FBLN1: variants seen among roughly 807,000 people sequenced by gnomAD.
The protein encoded by FBLN1 is fibulin-1.
In FBLN1, 34 loss-of-function variants were observed where a neutral mutation model predicts 89.7. That is an observed-to-expected ratio of 0.38 (90% CI 0.29 to 0.50). FBLN1 has a LOEUF of 0.50. FBLN1 is among the 20% of genes least tolerant of loss of function. The probability of loss-of-function intolerance (pLI) is 0.92; values close to 1 mark genes in which losing one functional copy is unlikely to be tolerated. For missense variants in FBLN1, 777 were observed against 988.1 expected, an observed-to-expected ratio of 0.79 and a Z score of 2.86; for synonymous variants, 393 against 391.3, an observed-to-expected ratio of 1.00 and a Z score of -0.05.
chr22:45,559,194 A>G (rs1481621689), intron 14 of FBLN1, among the ~76,000 whole-genome samples: 1 of 152,216 alleles, frequency 6.6e-6, no homozygotes, highest in Admixed American at 6.5e-5. Context: ...AGGTACCAAG[A>G]GATATGGTAA....
At chr22:45,559,410 C>T (rs115257667) in intron 14 of FBLN1, among the ~76,000 whole-genome samples, 1,610 of 152,250 alleles carry the variant, frequency 0.011, 37 homozygotes, top group African/African-American at 0.037. Context: ...GCAATCCCTC[C>T]GGGAATACGA....
Position 45,507,152 on chromosome 22 carries a change from G to A in FBLN1, c.79+4088G>A, listed in dbSNP as rs147117873. Among the ~76,000 whole-genome samples the A allele has an allele frequency of 3.8e-3, 579 of 152,190 alleles. 2 individuals carry two copies. The highest frequency in any genetic ancestry group is 0.013 in the African/African-American group (540 of 41,518). On this transcript the variant is annotated intron_variant, in intron 1 of 16. Coordinates refer to ENST00000327858, the MANE Select transcript of FBLN1 (RefSeq NM_006486.3). ...TGCCACAAGTCACCCAGCGAGGAGC[G>A]GGGCTGGGGCTGGGCCTAGAGCTGG...
intron 14 of FBLN1, among the ~76,000 whole-genome samples, chr22:45,554,413 C>T (rs2088751144): frequency 6.6e-6 from 1 of 152,258 alleles, no homozygotes; most frequent in Non-Finnish European, 1.5e-5. Flanking sequence ...CCCGTGCCCA[C>T]CTTCTTTCCT....
In FBLN1 at chr22:45,555,363, C is replaced by T. The variant is rs377344073; in HGVS notation, c.1697+4748C>T. 3.2e-4 allele frequency among the ~76,000 whole-genome samples: 49 copies of T among 151,020 alleles called. 2 individuals carry two copies. In the East Asian group the frequency reaches 5.4e-3, roughly 17 times the overall value. On this transcript the variant is annotated intron_variant, in intron 14 of 16. Coordinates refer to ENST00000327858, the MANE Select transcript of FBLN1 (RefSeq NM_006486.3). The stretch of plus-strand genomic sequence containing the variant: ...AGGATTAACTCACATGATCACAAGG[C>T]CCCACAATAGGCCATCTCCAGGCTG...
chr22:45,566,201 T>C (rs1311664763), intron 14 of FBLN1, among the ~76,000 whole-genome samples: 3 of 152,154 alleles, frequency 2.0e-5, no homozygotes, highest in Non-Finnish European at 4.4e-5. Flanking sequence ...TGCATAGCAA[T>C]GTGAAGAGGT....
chr22:45,548,876 A>G (rs2088666237), intron 13 of FBLN1, 132 bp downstream of exon 13: 2 of 1,414,332 alleles, frequency 1.4e-6, no homozygotes, highest in Non-Finnish European at 1.9e-6. Context: ...TGCATTCAGG[A>G]AAAGGAGGCC....
chr22:45,511,287 T>C (rs1467066999), intron 1 of FBLN1, among the ~76,000 whole-genome samples: 1 of 151,594 alleles, frequency 6.6e-6, no homozygotes, highest in Non-Finnish European at 1.5e-5. Flanking sequence ...CCCGAGTAGC[T>C]GGGATTACAG....
intron 11 of FBLN1, 78 bp from the exon 12 acceptor site, chr22:45,547,007 T>C: frequency 6.2e-7 from 1 of 1,607,282 alleles, no homozygotes; most frequent in Non-Finnish European, 8.5e-7. Flanking sequence ...GGAGATTTTC[T>C]GTTCACTGAC....
chr22:45,550,902 G>A lies in FBLN1; in HGVS notation c.1697+287G>A. 1 of 492,334 alleles carries A rather than the reference G, an allele frequency of 2.0e-6. No individual in the cohort carries two copies. Among genetic ancestry groups the A allele is most frequent in the Non-Finnish European group, 3.7e-6 (1 of 268,924 alleles). The allele number at this position is 492,334 out of a possible 1,614,324, so 30.5% of individuals were successfully genotyped here. On this transcript the variant is annotated intron_variant, in intron 14 of 16. Coordinates refer to ENST00000327858, the MANE Select transcript of FBLN1 (RefSeq NM_006486.3). This position sits in a 1 kb window ranked among gnomAD's most constrained non-coding sequence, Gnocchi z 8.4. ...AACCACAGCCCTCTTTTTTCCTAGG[G>A]TGGAAGCCTTGGGCAAGCTCTCTGG...
At chr22:45,522,763 G>A (rs761454234) in intron 2 of FBLN1, among the ~76,000 whole-genome samples, 22 of 152,204 alleles carry the variant, frequency 1.4e-4, no homozygotes, top group Non-Finnish European at 2.5e-4. Flanking sequence ...GTCCTTCAGC[G>A]TCTTTTGGAG....
chr22:45,535,437 A>C lies in FBLN1; in HGVS notation c.922+100A>C, dbSNP rs191972973. On this transcript the variant is annotated intron_variant, in intron 8 of 16. Transcript: ENST00000327858. ...GAATCTGCGGGGCCGCATGGTATACAGAACAGGGGTTGGCAAACTTTTTGT... is the reference window on the plus strand; with the variant it reads ...GAATCTGCGGGGCCGCATGGTATACCGAACAGGGGTTGGCAAACTTTTTGT... 8.2e-6 allele frequency: 12 copies of C among 1,469,254 alleles called. No homozygotes were observed. The East Asian group carries it at 2.6e-4, about 32-fold the overall frequency. 91.0% of individuals were successfully genotyped at this position (1,469,254 alleles called of 1,614,324 possible).
rs1920926518 is a variant in FBLN1 at position 45,600,912 on chromosome 22, A to G, written c.*466A>G. ...GTAGAATAGCACAGACGTGGATGAT[A>G]AATTATCCCCAGAAGCAGCATGACA... On this transcript the variant is annotated 3_prime_UTR_variant, in exon 17 of 17. Coordinates refer to ENST00000327858, the MANE Select transcript of FBLN1 (RefSeq NM_006486.3). 1 of 205,956 alleles carries G rather than the reference A, an allele frequency of 4.9e-6. No homozygotes were observed. The highest frequency in any genetic ancestry group is 9.9e-6 in the Non-Finnish European group (1 of 100,948). 12.8% of individuals were successfully genotyped at this position (205,956 alleles called of 1,614,324 possible). A position where few individuals can be genotyped will look rare whatever the true frequency, so the allele number is the denominator to read the frequency against.
At chr22:45,529,816 G>A (rs1004929302) in intron 4 of FBLN1, among the ~76,000 whole-genome samples, 1 of 152,148 alleles carries the variant, frequency 6.6e-6, no homozygotes, top group African/African-American at 2.4e-5. Context: ...GCAGTGAGCC[G>A]AGATGGCGCC....
At chr22:45,529,984 G>C (rs1289837756) in intron 4 of FBLN1, among the ~76,000 whole-genome samples, 1 of 152,168 alleles carries the variant, frequency 6.6e-6, no homozygotes, top group Non-Finnish European at 1.5e-5. Flanking sequence ...TGGGTGACAC[G>C]GAACCTTTCA....
chr22:45,590,571 C>T lies in FBLN1; in HGVS notation c.1973-9736C>T, dbSNP rs1023523656. ...TGGATTTACCTCCTGGCTCTGAGCA[C>T]AGTGGGAAGAGGCATGGGAGGGGTG... On this transcript the variant is annotated intron_variant, in intron 16 of 16. Transcript: ENST00000327858. This position sits in a 1 kb window ranked among gnomAD's most constrained non-coding sequence, Gnocchi z 4.1. Among the ~76,000 whole-genome samples, 4 of 152,084 alleles carry T rather than the reference C, an allele frequency of 2.6e-5. No homozygotes were observed. Among genetic ancestry groups the T allele is most frequent in the Non-Finnish European group, 5.9e-5 (4 of 68,026 alleles).
At position 45,563,894 on chromosome 22, in the gene FBLN1, G is replaced by A. The variant is rs2088878372; in HGVS notation, c.1698-10617G>A. 6.6e-6 allele frequency among the ~76,000 whole-genome samples: 1 copy of A among 152,208 alleles called. No individual in the cohort carries two copies. The highest frequency in any genetic ancestry group is 2.4e-5 in the African/African-American group (1 of 41,448). ...CCCAAATCTGTGGTGCAGAAACACG[G>A]GATGCGGTTGCGGCTCCTAGGATGC... On this transcript the variant is annotated intron_variant, in intron 14 of 16. Coordinates refer to ENST00000327858, the MANE Select transcript of FBLN1 (RefSeq NM_006486.3). The surrounding 1 kb of genome is among the most constrained non-coding windows in gnomAD (Gnocchi z 5.7).
At chr22:45,558,209 G>A (rs957808686) in intron 14 of FBLN1, 21 of 655,252 alleles carry the variant, frequency 3.2e-5, no homozygotes, top group South Asian at 2.0e-4. Flanking sequence ...GCTCAAGCCC[G>A]ATCACGTATA....
At chr22:45,508,491 G>A (rs1248980391) in intron 1 of FBLN1, among the ~76,000 whole-genome samples, 1 of 152,026 alleles carries the variant, frequency 6.6e-6, no homozygotes, top group Non-Finnish European at 1.5e-5. Context: ...TCTAACTCCT[G>A]ACCTCGTGAT....
In FBLN1 at chr22:45,502,964, C is replaced by T; in HGVS notation, c.-22C>T. On this transcript the variant is annotated 5_prime_UTR_variant, in exon 1 of 17. Transcript: ENST00000327858. ...GCCCGCGCCTTTGTCCGCCGCCGCC[C>T]ACCGCCCGTCGCCCGCCGCCCATGG... The T allele has an allele frequency of 9.0e-7, 1 of 1,111,288 alleles. No homozygotes were observed. The highest frequency in any genetic ancestry group is 1.1e-6 in the Non-Finnish European group (1 of 904,304). 68.8% of individuals were successfully genotyped at this position (1,111,288 alleles called of 1,614,324 possible). A position where few individuals can be genotyped will look rare whatever the true frequency, so the allele number is the denominator to read the frequency against.
Sources: gnomAD v4.1 joint callset for allele counts (sites outside exome capture counted in the v4.1 genomes callset) on GRCh38, gnomAD v4.1.1 for gene constraint, Gnocchi (gnomAD v3.1) non-coding constraint, MANE v1.5 for transcripts, NCBI Gene and HGNC (gene_info 2026-07-23, HGNC 2026-07-21) for gene names.